The following ATF6 variants were observed in gnomAD, a reference collection of about 807,000 sequenced individuals.
The protein encoded by ATF6 is cyclic AMP-dependent transcription factor ATF-6 alpha.
ATF6 carries 53 observed loss-of-function variants against 83.6 expected under a neutral mutation model. That is an observed-to-expected ratio of 0.63 (90% confidence interval 0.51 to 0.80). The LOEUF (loss-of-function observed/expected upper bound fraction) is 0.80. Ranked by LOEUF, ATF6 falls within the 30% of genes least tolerant of loss-of-function variation. The pLI, the probability that ATF6 is intolerant of heterozygous loss-of-function variation, is 0.00. For missense variants in ATF6, 744 were observed against 797.9 expected (o/e 0.93, Z 0.81); for synonymous variants, 288 against 285.8 (o/e 1.01, Z -0.08).
At chr1:161,893,143 C>A (rs964495612) in intron 14 of ATF6, among the ~76,000 whole-genome samples, 1 of 151,956 alleles carries the variant, frequency 6.6e-6, no homozygotes, top group African/African-American at 2.4e-5. Context: ...ACTGGTTTAG[C>A]GGAAACTTTA....
intron 3 of ATF6, among the ~76,000 whole-genome samples, chr1:161,783,707 C>T (rs1156291554): frequency 6.6e-6 from 1 of 151,530 alleles, no homozygotes; most frequent in Non-Finnish European, 1.5e-5. Flanking sequence ...TTCTGTTTAC[C>T]CTTCCAGAGA....
chr1:161,884,367 G>A (rs116830997), intron 14 of ATF6, among the ~76,000 whole-genome samples: 130 of 152,100 alleles, frequency 8.5e-4, no homozygotes, highest in Non-Finnish European at 1.6e-3. Flanking sequence ...AATGAATAGC[G>A]TTTGTTGATC....
intron 9 of ATF6, among the ~76,000 whole-genome samples, chr1:161,828,291 T>G (rs1413890143): frequency 6.6e-6 from 1 of 152,200 alleles, no homozygotes; most frequent in Non-Finnish European, 1.5e-5. Flanking sequence ...TAAAAAATGA[T>G]GGATTGAAAA....
intron 15 of ATF6, among the ~76,000 whole-genome samples, chr1:161,946,133 T>C (rs1281774905): frequency 6.6e-6 from 1 of 152,114 alleles, no homozygotes; most frequent in Non-Finnish European, 1.5e-5. Context: ...TAGCTGGGAC[T>C]ACAGACACAA....
chr1:161,833,173 A>G (rs1323875207), intron 9 of ATF6, among the ~76,000 whole-genome samples: 1 of 152,256 alleles, frequency 6.6e-6, no homozygotes, highest in Non-Finnish European at 1.5e-5. Context: ...AGTAAACTCC[A>G]ACAGACCTGA....
chr1:161,846,541 A>G lies in ATF6; in HGVS notation c.1280A>G (p.Gln427Arg). 1 of 1,611,048 alleles carries G rather than the reference A, an allele frequency of 6.2e-7. No individual in the cohort carries two copies. The highest frequency in any genetic ancestry group is 8.5e-7 in the Non-Finnish European group (1 of 1,178,090). ...HLLGFSAKEA[Q>R]DTSDGIIQKN... ...CTAGGATTTTCTGCTAAAGAGGCAC[A>G]GGACACATCAGATGGTATTATCCAG... is the stretch of plus-strand genomic sequence containing the variant. The change falls in exon 10 of 16, where the codon CAG (glutamine) becomes CGG (arginine). Residue 427 changes from glutamine to arginine, a missense_variant. By Grantham distance (43) the Gln-to-Arg change is conservative. Transcript: ENST00000367942.
intron 6 of ATF6, among the ~76,000 whole-genome samples, chr1:161,797,149 A>C (rs1685040684): frequency 6.6e-6 from 1 of 152,198 alleles, no homozygotes; most frequent in Admixed American, 6.5e-5. Flanking sequence ...AAAACAAATT[A>C]GGCATCAAAG....
chr1:161,874,546 A>C (rs1687172232), intron 14 of ATF6, among the ~76,000 whole-genome samples: 1 of 151,626 alleles, frequency 6.6e-6, no homozygotes, highest in Admixed American at 6.6e-5. Flanking sequence ...TTCAGATTAC[A>C]TTTTACAACT....
intron 7 of ATF6, among the ~76,000 whole-genome samples, chr1:161,802,619 G>A (rs1024439491): frequency 6.6e-6 from 1 of 152,010 alleles, no homozygotes; most frequent in Non-Finnish European, 1.5e-5. Flanking sequence ...CAGATTCAAC[G>A]TTTCCTGATT....
At chr1:161,856,240 G>A (rs1025726591) in intron 12 of ATF6, among the ~76,000 whole-genome samples, 5 of 152,202 alleles carry the variant, frequency 3.3e-5, no homozygotes, top group Non-Finnish European at 7.3e-5. Flanking sequence ...CTGACATTCT[G>A]AAATTCTGTA....
chr1:161,783,961 G>A, intron 3 of ATF6, 29 bp from the exon 4 acceptor site: 1 of 1,419,360 alleles, frequency 7.0e-7, no homozygotes, highest in Non-Finnish European at 9.9e-7. Flanking sequence ...ATTGTCCAGT[G>A]GGTAAAACCT....
At chr1:161,839,169 A>G (rs945695139) in intron 9 of ATF6, among the ~76,000 whole-genome samples, 2 of 152,082 alleles carry the variant, frequency 1.3e-5, no homozygotes, top group Non-Finnish European at 2.9e-5. Flanking sequence ...TTATTTGTTT[A>G]TTTTTTGAAA....
chr1:161,903,972 G>T (rs897943386), intron 14 of ATF6, among the ~76,000 whole-genome samples: 5 of 152,144 alleles, frequency 3.3e-5, no homozygotes, highest in Non-Finnish European at 1.5e-5. Context: ...AAGAGTTGAG[G>T]AATGTGGGTA....
At chr1:161,948,963 A>G (rs1045351001) in intron 15 of ATF6, among the ~76,000 whole-genome samples, 3 of 152,238 alleles carry the variant, frequency 2.0e-5, no homozygotes, top group African/African-American at 7.2e-5. Context: ...GAGACCCAGA[A>G]TGGCAAATAA....
At chr1:161,875,990 A>G (rs567915746) in intron 14 of ATF6, among the ~76,000 whole-genome samples, 1 of 151,960 alleles carries the variant, frequency 6.6e-6, no homozygotes, top group Admixed American at 6.6e-5. Context: ...ATGATGAACT[A>G]TATAATACAG....
At chr1:161,857,448 G>A (rs180782037) in intron 12 of ATF6, among the ~76,000 whole-genome samples, 250 of 152,196 alleles carry the variant, frequency 1.6e-3, no homozygotes, top group Admixed American at 3.1e-3. Context: ...TTTAGAGAAG[G>A]TAAAGGGGAA....
At chr1:161,927,357 C>CATTTAT (rs1041428098) in intron 15 of ATF6, among the ~76,000 whole-genome samples, 23 of 152,132 alleles carry the variant, frequency 1.5e-4, no homozygotes, top group African/African-American at 5.3e-4. Context: ...TTTATAGAGA[C>CATTTAT]AGGGTCTCAC....
chr1:161,935,715 G>A (rs576251305), intron 15 of ATF6, among the ~76,000 whole-genome samples: 1 of 152,242 alleles, frequency 6.6e-6, no homozygotes, highest in East Asian at 1.9e-4. Context: ...TTTCTCTGTT[G>A]TAATTTTCTC....
At chr1:161,831,440 A>C (rs1279152511) in intron 9 of ATF6, among the ~76,000 whole-genome samples, 2 of 152,076 alleles carry the variant, frequency 1.3e-5, no homozygotes, top group South Asian at 2.1e-4. Context: ...CCATCCCATT[A>C]CTGGGTATAT....
Sources: gnomAD v4.1 joint callset for allele counts (sites outside exome capture counted in the v4.1 genomes callset) on GRCh38, gnomAD v4.1.1 for gene constraint, MANE v1.5 for transcripts, NCBI Gene and HGNC (gene_info 2026-07-23, HGNC 2026-07-21) for gene names.